Variants in SNX13 observed in about 807,000 individuals in gnomAD.
The protein encoded by SNX13 is sorting nexin-13.
A neutral mutation model predicts 133.6 loss-of-function variants in SNX13; 45 were observed. The ratio of observed to expected loss-of-function variants is 0.34; its 90% CI spans 0.27 to 0.43. The LOEUF is 0.43. Among genes scored for constraint, SNX13 ranks in the 20% least tolerant of loss-of-function variants. SNX13 has a pLI of 1.00. For missense variants in SNX13, 1,032 were observed against 1,145.1 expected (o/e 0.90, Z 1.43); for synonymous variants, 414 against 373.9 (o/e 1.11, Z -1.24).
At chr7:17,864,555 A>C (rs1793129044) in intron 9 of SNX13, among the ~76,000 whole-genome samples, 1 of 152,176 alleles carries the variant, frequency 6.6e-6, no homozygotes, top group Non-Finnish European at 1.5e-5. Flanking sequence ...TTGGCCTTAA[A>C]GAGGATGTAA....
intron 17 of SNX13, among the ~76,000 whole-genome samples, chr7:17,824,117 A>C (rs1346243944): frequency 6.6e-6 from 1 of 152,130 alleles, no homozygotes; most frequent in East Asian, 1.9e-4. Flanking sequence ...GTTTGTTTTT[A>C]TTAGGCCAAT....
intron 1 of SNX13, among the ~76,000 whole-genome samples, chr7:17,922,345 C>T (rs558389402): frequency 2.0e-5 from 3 of 152,268 alleles, no homozygotes; most frequent in African/African-American, 4.8e-5. Flanking sequence ...TTCAGCACTG[C>T]TACATGTAAA....
chr7:17,850,881 TCTGA>T lies in SNX13; in HGVS notation c.917_920del (p.Val306GlufsTer14). The T allele has an allele frequency of 6.2e-7, 1 of 1,612,352 alleles. No individual in the cohort carries two copies. Among genetic ancestry groups the T allele is most frequent in the Non-Finnish European group, 8.5e-7 (1 of 1,179,284 alleles). On this transcript the variant is annotated frameshift_variant, in exon 10 of 26. Transcript: ENST00000428135. LOFTEE classifies it high-confidence loss of function. Reference sequence around the variant, plus strand: ...ACTGTAATTCTTCTGCTGCCTTATCTCTGACTGCTTCTAGCTCTCCAATATTGTC... The same window carrying T: ...ACTGTAATTCTTCTGCTGCCTTATCTCTGCTTCTAGCTCTCCAATATTGTC...
chr7:17,930,320 G>C (rs1049725874), intron 1 of SNX13, among the ~76,000 whole-genome samples: 2 of 152,094 alleles, frequency 1.3e-5, no homozygotes, highest in Admixed American at 6.6e-5. Context: ...AGAAAACTTA[G>C]ATTCAAATCC....
chr7:17,799,215 T>C (rs1436819281), intron 22 of SNX13, 61 bp from the exon 23 acceptor site: 1 of 1,374,566 alleles, frequency 7.3e-7, no homozygotes, highest in Non-Finnish European at 9.7e-7. Flanking sequence ...AATTGTTACT[T>C]TTGTTGCTTT....
chr7:17,916,059 T>C (rs1472793152), intron 1 of SNX13, among the ~76,000 whole-genome samples: 1 of 152,126 alleles, frequency 6.6e-6, no homozygotes, highest in Admixed American at 6.5e-5. Flanking sequence ...TGAATGACTT[T>C]TGGGTAAACA....
At chr7:17,836,118 A>G (rs1381413171) in intron 13 of SNX13, among the ~76,000 whole-genome samples, 1 of 151,996 alleles carries the variant, frequency 6.6e-6, no homozygotes, top group Admixed American at 6.6e-5. Context: ...AGTATACAGA[A>G]TAGATTAAGC....
rs749840464 is a variant in SNX13 at position 17,897,300 on chromosome 7, C to G, written c.125+34G>C. The G allele has an allele frequency of 7.4e-6, 9 of 1,211,208 alleles. No individual in the cohort carries two copies. In the South Asian group the frequency reaches 1.6e-4, roughly 22 times the overall value. 75.0% of individuals were successfully genotyped at this position (1,211,208 alleles called of 1,614,324 possible). A position where few individuals can be genotyped will look rare whatever the true frequency, so the allele number is the denominator to read the frequency against. ...GTTTCCATTTTAACAAGATATGACA[C>G]ATGAATTATAAAATTATAATTGAGT... On this transcript the variant is annotated intron_variant, in intron 2 of 25. Transcript: ENST00000428135.
chr7:17,914,930 CA>C (rs1799377880), intron 1 of SNX13, among the ~76,000 whole-genome samples: 1 of 152,084 alleles, frequency 6.6e-6, no homozygotes, highest in Non-Finnish European at 1.5e-5. Flanking sequence ...CACAGAATGG[CA>C]ATTGGGCAAA....
At chr7:17,895,858 A>C (rs1223869274) in intron 2 of SNX13, among the ~76,000 whole-genome samples, 1 of 152,184 alleles carries the variant, frequency 6.6e-6, no homozygotes, top group Non-Finnish European at 1.5e-5. Context: ...CCCACCTTCC[A>C]AGGGCTCCTA....
intron 1 of SNX13, among the ~76,000 whole-genome samples, chr7:17,913,794 G>A (rs542787630): frequency 6.8e-6 from 1 of 147,472 alleles, no homozygotes; most frequent in South Asian, 2.1e-4. Context: ...AAGCAGCATC[G>A]GCTCCCTCAG....
At chr7:17,901,677 A>T (rs1016675573) in intron 1 of SNX13, among the ~76,000 whole-genome samples, 2 of 152,190 alleles carry the variant, frequency 1.3e-5, no homozygotes, top group Non-Finnish European at 2.9e-5. Flanking sequence ...AGCTTCTGCC[A>T]GGGGATGAGG....
At chr7:17,848,603 T>G (rs1790825909) in intron 11 of SNX13, among the ~76,000 whole-genome samples, 1 of 152,218 alleles carries the variant, frequency 6.6e-6, no homozygotes, top group South Asian at 2.1e-4. Context: ...CAGAGTTTGC[T>G]CTTGCCAGTG....
intron 5 of SNX13, among the ~76,000 whole-genome samples, chr7:17,876,543 G>A (rs1794743342): frequency 7.2e-6 from 1 of 138,748 alleles, no homozygotes; most frequent in African/African-American, 2.8e-5. Flanking sequence ...CCACACCACT[G>A]CATTCGAGCC....
intron 21 of SNX13, among the ~76,000 whole-genome samples, 194 bp downstream of exon 21, chr7:17,803,225 C>T (rs1784829019): frequency 6.6e-6 from 1 of 152,126 alleles, no homozygotes; most frequent in African/African-American, 2.4e-5. Context: ...GACTAACAAG[C>T]AAGTGGATTT....
At chr7:17,913,099 G>A (rs757780541) in intron 1 of SNX13, among the ~76,000 whole-genome samples, 29 of 152,192 alleles carry the variant, frequency 1.9e-4, no homozygotes, top group Non-Finnish European at 3.4e-4. Flanking sequence ...GAGGGAGGCA[G>A]ACTCCACTCC....
At chr7:17,871,227 G>A (rs963629086) in intron 8 of SNX13, among the ~76,000 whole-genome samples, 11 of 152,040 alleles carry the variant, frequency 7.2e-5, no homozygotes, top group Non-Finnish European at 1.0e-4. Context: ...GGATGGTCTC[G>A]ATCTCCTGAC....
intron 15 of SNX13, chr7:17,831,019 CT>C (rs1257365667): frequency 2.0e-6 from 2 of 984,342 alleles, no homozygotes; most frequent in Middle Eastern, 1.0e-3. Context: ...CTTGGTGATA[CT>C]TAAAATAAGT....
At chr7:17,827,618 T>C (rs1161308651) in intron 16 of SNX13, among the ~76,000 whole-genome samples, 4 of 151,902 alleles carry the variant, frequency 2.6e-5, no homozygotes, top group Non-Finnish European at 5.9e-5. Context: ...GACATCAAAT[T>C]AAATTAGATC....
Sources: allele counts gnomAD v4.1 joint callset (sites outside exome capture counted in the v4.1 genomes callset), GRCh38; gene constraint gnomAD v4.1.1; transcripts MANE v1.5; gene names NCBI Gene and HGNC (gene_info 2026-07-23, HGNC 2026-07-21).